EIF2AK2: variants seen among roughly 807,000 people sequenced by gnomAD.
EIF2AK2 encodes interferon-induced, double-stranded RNA-activated protein kinase.
EIF2AK2 carries 40 observed loss-of-function variants against 70.5 expected under a neutral mutation model. That is an observed-to-expected ratio of 0.57 (90% CI 0.44 to 0.74). EIF2AK2 has a LOEUF of 0.74. Ranked by LOEUF, EIF2AK2 falls within the 30% of genes least tolerant of loss-of-function variation. The pLI is 0.00. For synonymous variants in EIF2AK2, 198 were observed against 220.9 expected (o/e 0.90, Z 0.92); for missense variants, 555 against 644.3 (o/e 0.86, Z 1.50).
At chr2:37,155,820 A>AC (rs1675901021) in intron 1 of EIF2AK2, among the ~76,000 whole-genome samples, 1 of 151,962 alleles carries the variant, frequency 6.6e-6, no homozygotes, top group Non-Finnish European at 1.5e-5. Context: ...GGGCACCTGT[A>AC]GTCCCAGCTA....
At chr2:37,155,528 GTATGGGCTTGCCAC>G (rs1675891496) in intron 1 of EIF2AK2, among the ~76,000 whole-genome samples, 1 of 152,268 alleles carries the variant, frequency 6.6e-6, no homozygotes, top group East Asian at 1.9e-4. Flanking sequence ...GGGTCAGCTA[GTATGGGCTTGCCAC>G]TCCACCTTGC....
intron 1 of EIF2AK2, among the ~76,000 whole-genome samples, chr2:37,150,436 A>AT (rs756515370): frequency 3.3e-5 from 5 of 151,860 alleles, no homozygotes; most frequent in African/African-American, 9.7e-5. Flanking sequence ...TTTTTTTTGC[A>AT]TTTTTTTCTA....
At chr2:37,153,337 C>CTCTTTTTTTTTTTTTTTTTTTTT (rs777537067) in intron 1 of EIF2AK2, among the ~76,000 whole-genome samples, 1 of 109,866 alleles carries the variant, frequency 9.1e-6, no homozygotes. Flanking sequence ...CTCTGCTAAT[C>CTCTTTTTTTTTTTTTTTTTTTTT]TTTTTTTTTT....
chr2:37,116,514 T>G (rs1035888176), intron 13 of EIF2AK2, among the ~76,000 whole-genome samples: 1 of 152,150 alleles, frequency 6.6e-6, no homozygotes, highest in African/African-American at 2.4e-5. Flanking sequence ...GATAACACAC[T>G]TATGAGAGGG....
At position 37,139,688 on chromosome 2, in the gene EIF2AK2, T is replaced by G. The variant is rs753390918; in HGVS notation, c.459A>C (p.Ala153=). ...ATGCAAGTTTAGCGGCCAATTGTTT[T>G]GCTTCCTGTTTAGTAGAACCTGTAC... The part of the protein sequence containing the change: ...SIGTGSTKQE[A]KQLAAKLAYL... Residue 153 remains alanine (A), a synonymous_variant, in exon 6 of 17, where the codon GCA becomes GCC. Coordinates refer to ENST00000233057, the MANE Select transcript of EIF2AK2 (RefSeq NM_001135651.3). The G allele has an allele frequency of 3.2e-5, 52 of 1,614,046 alleles. No homozygotes were observed. Among genetic ancestry groups the G allele is most frequent in the Admixed American group, 1.0e-4 (6 of 60,006 alleles).
At position 37,122,950 on chromosome 2, in the gene EIF2AK2, G is replaced by A. The variant is rs562514137; in HGVS notation, c.909-286C>T. Among the ~76,000 whole-genome samples the A allele has an allele frequency of 5.3e-5, 8 of 152,150 alleles. No homozygotes were observed. In the South Asian group the frequency reaches 8.3e-4, roughly 16 times the overall value. Reference sequence around the variant, plus strand: ...TGGGAGGCGAAGGTGGGCGGATCACGAGGTCAGGAGTTCAAGACCAGCCTG... The same window carrying A: ...TGGGAGGCGAAGGTGGGCGGATCACAAGGTCAGGAGTTCAAGACCAGCCTG... On this transcript the variant is annotated intron_variant, in intron 11 of 16. Transcript: ENST00000233057.
At chr2:37,122,308 C>CA (rs1381298492) in intron 12 of EIF2AK2, among the ~76,000 whole-genome samples, 198 bp downstream of exon 12, 1 of 152,156 alleles carries the variant, frequency 6.6e-6, no homozygotes, top group Non-Finnish European at 1.5e-5. Flanking sequence ...GTTGTGAGAG[C>CA]AAGTCTGCAG....
intron 1 of EIF2AK2, among the ~76,000 whole-genome samples, chr2:37,154,711 C>T (rs1204288549): frequency 2.0e-5 from 3 of 152,070 alleles, no homozygotes; most frequent in Non-Finnish European, 2.9e-5. Context: ...CAGGCGCCCA[C>T]CACCACGCCC....
intron 15 of EIF2AK2, among the ~76,000 whole-genome samples, chr2:37,108,172 T>A (rs1674027921): frequency 6.6e-6 from 1 of 150,478 alleles, no homozygotes; most frequent in Admixed American, 6.6e-5. Flanking sequence ...AAGAGTAGGA[T>A]ATCCACTTGC....
intron 1 of EIF2AK2, among the ~76,000 whole-genome samples, chr2:37,152,259 T>A (rs1226707330): frequency 6.6e-6 from 1 of 152,156 alleles, no homozygotes; most frequent in Admixed American, 6.5e-5. Flanking sequence ...GCTCTTTTGA[T>A]CTTCTTTCTT....
intron 1 of EIF2AK2, among the ~76,000 whole-genome samples, chr2:37,151,458 T>C (rs1573043827): frequency 6.6e-6 from 1 of 152,142 alleles, no homozygotes; most frequent in Non-Finnish European, 1.5e-5. Context: ...AAAAAATAAG[T>C]GTTGGTGAGG....
chr2:37,123,287 G>C (rs889569834), intron 11 of EIF2AK2, among the ~76,000 whole-genome samples: 1 of 151,946 alleles, frequency 6.6e-6, no homozygotes, highest in Non-Finnish European at 1.5e-5. Context: ...ATTTTATTGA[G>C]ACAGAGTCTT....
intron 1 of EIF2AK2, chr2:37,149,359 A>T (rs1310014362): frequency 2.9e-5 from 18 of 611,526 alleles, no homozygotes; most frequent in Non-Finnish European, 4.8e-5. Context: ...AAATTCGGTT[A>T]CTCTAAGATA....
chr2:37,126,549 G>T, intron 10 of EIF2AK2, 138 bp from the exon 11 acceptor site: 4 of 1,320,270 alleles, frequency 3.0e-6, no homozygotes, highest in Non-Finnish European at 4.0e-6. Flanking sequence ...GAATAAGAAA[G>T]ATCCACTTGG....
chr2:37,137,396 A>G (rs1191799601), intron 8 of EIF2AK2, among the ~76,000 whole-genome samples: 1 of 152,184 alleles, frequency 6.6e-6, no homozygotes, highest in Non-Finnish European at 1.5e-5. Context: ...CTCTTGTAAC[A>G]CTAATCACCA....
chr2:37,126,465 C>A (rs573478724), intron 10 of EIF2AK2, 54 bp from the exon 11 acceptor site: 27 of 1,574,550 alleles, frequency 1.7e-5, no homozygotes, highest in Non-Finnish European at 2.1e-5. Flanking sequence ...CCCCCACCCC[C>A]CCGCCTCCCC....
Position 37,156,938 on chromosome 2 carries a change from CG to C in EIF2AK2, c.-215del. 5.3e-6 allele frequency: 1 copy of C among 187,948 alleles called. No individual in the cohort carries two copies. Among genetic ancestry groups the C allele is most frequent in the Non-Finnish European group, 1.1e-5 (1 of 94,172 alleles). The allele number at this position is 187,948 out of a possible 1,614,324, so 11.6% of individuals were successfully genotyped here. A position where few individuals can be genotyped will look rare whatever the true frequency, so the allele number is the denominator to read the frequency against. On this transcript the variant is annotated 5_prime_UTR_variant, in exon 1 of 17. Coordinates refer to ENST00000233057, the MANE Select transcript of EIF2AK2 (RefSeq NM_001135651.3). ...CCGCCGCCGCCGCCGCCGCCGCCGC[CG>C]GCCGGAGACCCGCGGCTTCGGGAGA...
chr2:37,100,421 GA>G lies in EIF2AK2; in HGVS notation c.*6851del, dbSNP rs146761683. ...AATTTGTTAGTTATAGCAGCCATAA[GA>G]AATTAATACAGGTCCAAATCAAATT... On this transcript the variant is annotated 3_prime_UTR_variant, in exon 17 of 17. Coordinates refer to ENST00000233057, the MANE Select transcript of EIF2AK2 (RefSeq NM_001135651.3). 156 of 152,326 alleles carry G rather than the reference GA, an allele frequency of 1.0e-3. 1 individual carries two copies. The highest frequency in any genetic ancestry group is 3.3e-3 in the African/African-American group (139 of 41,576). The allele number at this position is 152,326 out of a possible 1,614,324, so 9.4% of individuals were successfully genotyped here.
At chr2:37,139,530 A>C (rs1675254031) in intron 6 of EIF2AK2, 101 bp downstream of exon 6, 3 of 1,489,598 alleles carry the variant, frequency 2.0e-6, no homozygotes, top group Non-Finnish European at 2.7e-6. Flanking sequence ...CATTTTGCTA[A>C]ATCACTGGCT....
Sources: allele counts gnomAD v4.1 joint callset (sites outside exome capture counted in the v4.1 genomes callset), GRCh38; gene constraint gnomAD v4.1.1; transcripts MANE v1.5; gene names NCBI Gene and HGNC (gene_info 2026-07-23, HGNC 2026-07-21).